The following CHLSN variants were observed in gnomAD, a reference collection of about 807,000 sequenced individuals.
CHLSN encodes the protein protein cholesin.
At chr7:1,016,552 C>A in the CHLSN span, among the ~76,000 whole-genome samples, 5 of 115,336 alleles carry the variant, frequency 4.3e-5, no homozygotes, top group African/African-American at 8.1e-5. Context: ...CGCACGCCAG[C>A]GCACAGCAGC....
At chr7:1,083,240 C>T in the CHLSN span, among the ~76,000 whole-genome samples, 5 of 152,370 alleles carry the variant, frequency 3.3e-5, no homozygotes, top group South Asian at 4.1e-4. Flanking sequence ...CAGCCGCACG[C>T]GCCTTCAGTG....
the CHLSN span, among the ~76,000 whole-genome samples, chr7:1,118,779 T>C: frequency 7.9e-5 from 9 of 113,648 alleles, no homozygotes; most frequent in African/African-American, 2.1e-4. Context: ...CTGGGCAAGA[T>C]AGTGAGACCC....
the CHLSN span, among the ~76,000 whole-genome samples, chr7:1,104,807 T>C: frequency 1.3e-5 from 2 of 152,252 alleles, no homozygotes; most frequent in East Asian, 3.8e-4. Flanking sequence ...TGCAGCCTCA[T>C]CTGTCCATTC....
chr7:979,815 A>G, the CHLSN span, among the ~76,000 whole-genome samples: 3 of 151,972 alleles, frequency 2.0e-5, no homozygotes, highest in Admixed American at 2.0e-4. Context: ...ACATTCTTCC[A>G]GGGGGCGCGC....
At chr7:1,091,993 G>A in the CHLSN span, 27 of 1,613,952 alleles carry the variant, frequency 1.7e-5, no homozygotes, top group Non-Finnish European at 2.1e-5. Context: ...CAGCTTCCGC[G>A]AGAAGATGAC....
chr7:1,045,423 C>T, the CHLSN span: 1 of 152,220 alleles, frequency 6.6e-6, no homozygotes, highest in Non-Finnish European at 1.5e-5. Context: ...CGGAACAGCA[C>T]GACATCTTTT....
At chr7:1,136,395 TATAA>T in the CHLSN span, among the ~76,000 whole-genome samples, 1 of 110,666 alleles carries the variant, frequency 9.0e-6, no homozygotes, top group Non-Finnish European at 1.7e-5. Context: ...TAAACATATA[TATAA>T]ATATATATAA....
At chr7:1,029,410 G>A in the CHLSN span, among the ~76,000 whole-genome samples, 1 of 152,136 alleles carries the variant, frequency 6.6e-6, no homozygotes, top group Admixed American at 6.5e-5. Context: ...TTACAGGTGC[G>A]CCACCATGCC....
chr7:1,004,477 G>C, the CHLSN span, among the ~76,000 whole-genome samples: 2 of 120,652 alleles, frequency 1.7e-5, no homozygotes, highest in African/African-American at 7.1e-5. Context: ...AGCACTGCTG[G>C]CCCACGGCAC....
chr7:1,017,515 C>T, the CHLSN span, among the ~76,000 whole-genome samples: 54 of 152,254 alleles, frequency 3.5e-4, 1 homozygote, highest in South Asian at 6.2e-3. Context: ...TCGCTGCCAT[C>T]GGGCCCTTGG....
chr7:1,049,825 G>A, the CHLSN span, among the ~76,000 whole-genome samples: 5 of 152,200 alleles, frequency 3.3e-5, no homozygotes, highest in Non-Finnish European at 5.9e-5. Flanking sequence ...ACTGTACTGG[G>A]TTCTATGACA....
At chr7:1,094,872 C>T in the CHLSN span, among the ~76,000 whole-genome samples, 50 of 152,316 alleles carry the variant, frequency 3.3e-4, no homozygotes, top group Middle Eastern at 3.4e-3. Context: ...CAGAGCGCTG[C>T]CCAGACCGTG....
At chr7:1,127,520 TA>T in the CHLSN span, 1 of 881,642 alleles carries the variant, frequency 1.1e-6, no homozygotes, top group African/African-American at 1.7e-5. Flanking sequence ...ATATAAAAGT[TA>T]AAATAAACTC....
the CHLSN span, among the ~76,000 whole-genome samples, chr7:1,030,748 CT>C: frequency 1.3e-5 from 2 of 150,752 alleles, no homozygotes; most frequent in Admixed American, 1.3e-4. Context: ...CTCTCTCTCT[CT>C]CCCGGGGCAC....
the CHLSN span, among the ~76,000 whole-genome samples, chr7:1,068,828 C>A: frequency 1.3e-5 from 2 of 152,164 alleles, no homozygotes; most frequent in Non-Finnish European, 2.9e-5. Flanking sequence ...TTGTGGGCTG[C>A]AACAAAATGC....
chr7:1,104,255 G>C, the CHLSN span, among the ~76,000 whole-genome samples: 1,050 of 152,360 alleles, frequency 6.9e-3, 8 homozygotes, highest in South Asian at 0.016. Context: ...TTATTTACCA[G>C]CCTTTAAAAG....
At chr7:990,978 T>C in the CHLSN span, among the ~76,000 whole-genome samples, 2 of 151,952 alleles carry the variant, frequency 1.3e-5, no homozygotes, top group African/African-American at 2.4e-5. Flanking sequence ...CAGGGGACCC[T>C]TGTGCCCCCA....
At chr7:1,000,490 G>A in the CHLSN span, 1 of 1,607,032 alleles carries the variant, frequency 6.2e-7, no homozygotes, top group Non-Finnish European at 8.5e-7. Flanking sequence ...TCATACATGT[G>A]CAGCAGGAGC....
At chr7:1,019,450 T>C in the CHLSN span, among the ~76,000 whole-genome samples, 8 of 152,176 alleles carry the variant, frequency 5.3e-5, no homozygotes, top group African/African-American at 1.9e-4. Context: ...AAGGAGAGGC[T>C]TCCTGGCACC....
Sources: allele counts gnomAD v4.1 joint callset (sites outside exome capture counted in the v4.1 genomes callset), GRCh38; gene constraint gnomAD v4.1.1; transcripts MANE v1.5; gene names NCBI Gene and HGNC (gene_info 2026-07-23, HGNC 2026-07-21).